Variants in PMPCB observed in about 807,000 individuals in gnomAD.
The protein encoded by PMPCB is mitochondrial-processing peptidase subunit beta.
A neutral mutation model predicts 61.5 loss-of-function variants in PMPCB; 46 were observed. The observed-to-expected ratio is 0.75, with a 90% confidence interval of 0.59 to 0.96. PMPCB has a LOEUF of 0.96. Among genes scored for constraint, PMPCB ranks in the 40% least tolerant of loss-of-function variants. The pLI is 0.00. For synonymous variants in PMPCB, 191 were observed against 201.6 expected, an observed-to-expected ratio of 0.95 and a Z score of 0.44; for missense variants, 590 against 602.4, an observed-to-expected ratio of 0.98 and a Z score of 0.22.
Position 103,298,635 on chromosome 7 carries a change from C to T in PMPCB, c.167C>T (p.Pro56Leu). The T allele has an allele frequency of 1.2e-6, 2 of 1,613,876 alleles. No homozygotes were observed. Among genetic ancestry groups the T allele is most frequent in the South Asian group, 1.1e-5 (1 of 91,084 alleles). The change falls in exon 2 of 13, where the codon CCT (proline) becomes CTT (leucine). Residue 56 changes from proline to leucine, a missense_variant. Pro to Leu is a moderately conservative substitution (Grantham distance 98). Transcript: ENST00000249269. ...QAATQVVLNV[P>L]ETRVTCLESG... The stretch of plus-strand genomic sequence containing the variant: ...GCTACCCAAGTTGTTCTGAATGTTC[C>T]TGAAACAAGAGTAACATGTTTAGAA...
In PMPCB at chr7:103,307,588, C is replaced by T; in HGVS notation, c.737-8C>T. ...AGATACATGTGAAAATATTTTCTTT[C>T]AATTTAGGTGTTTCCCATGATGAAT... is the stretch of plus-strand genomic sequence containing the variant. On this transcript the variant is annotated splice_polypyrimidine_tract_variant and splice_region_variant and intron_variant, in intron 6 of 12. Coordinates refer to ENST00000249269, the MANE Select transcript of PMPCB (RefSeq NM_004279.3). 1.3e-6 allele frequency: 2 copies of T among 1,535,254 alleles called. No homozygotes were observed. Among genetic ancestry groups the T allele is most frequent in the Non-Finnish European group, 1.8e-6 (2 of 1,108,428 alleles).
chr7:103,298,041 G>A, intron 1 of PMPCB: 2 of 688,758 alleles, frequency 2.9e-6, no homozygotes, highest in Non-Finnish European at 3.9e-6. Context: ...TAAGGGCAAA[G>A]AAAAACTGCT....
downstream of PMPCB, chr7:103,317,286 G>A (rs1818124260): frequency 2.7e-6 from 1 of 367,454 alleles, no homozygotes; most frequent in Non-Finnish European, 4.9e-6. Flanking sequence ...GACACTAATT[G>A]ACAAGTCTGT....
At chr7:103,345,860 C>T in the PMPCB span, among the ~76,000 whole-genome samples, 2 of 151,574 alleles carry the variant, frequency 1.3e-5, no homozygotes, top group African/African-American at 4.8e-5. Context: ...GTGGGAAGAT[C>T]GTTGAGGCCG....
chr7:103,328,638 A>C (rs1818835774), intron 12 of PMPCB, among the ~76,000 whole-genome samples: 1 of 152,084 alleles, frequency 6.6e-6, no homozygotes, highest in Non-Finnish European at 1.5e-5. Context: ...GTCAAAAAGA[A>C]GAAGAAGAAA....
intron 1 of PMPCB, chr7:103,298,028 G>A (rs571172269): frequency 5.9e-6 from 5 of 845,146 alleles, no homozygotes; most frequent in Admixed American, 9.6e-5. Context: ...TGAGACTTTT[G>A]TATAAGGGCA....
intron 1 of PMPCB, chr7:103,298,019 G>C: frequency 1.1e-6 from 1 of 932,156 alleles, no homozygotes; most frequent in Non-Finnish European, 1.4e-6. Flanking sequence ...AAAGGGATGT[G>C]AGACTTTTGT....
At chr7:103,299,382 G>A (rs773453727) in intron 2 of PMPCB, 61 bp from the exon 3 acceptor site, 1 of 1,004,618 alleles carries the variant, frequency 1.0e-6, no homozygotes, top group Non-Finnish European at 1.5e-6. Context: ...GAAGGAGACT[G>A]TTCCCCCCAA....
chr7:103,344,234 C>A, the PMPCB span: 1 of 365,032 alleles, frequency 2.7e-6, no homozygotes, highest in African/African-American at 2.1e-5. Flanking sequence ...AGTCTTTCCA[C>A]CGTAGGCAAG....
rs1422839684 is a variant in PMPCB, at chr7:103,299,537, G to GCTT, written c.327+8_327+9insCTT. 3.2e-5 allele frequency: 50 copies of GCTT among 1,581,002 alleles called. No homozygotes were observed. The highest frequency in any genetic ancestry group is 4.2e-5 in the Non-Finnish European group (49 of 1,153,762). On this transcript the variant is annotated intron_variant, in intron 3 of 12. Coordinates refer to ENST00000249269, the MANE Select transcript of PMPCB (RefSeq NM_004279.3). Reference sequence around the variant, plus strand: ...GAGCATATGGCTTTCAAGGCAAGTTGTAAGACTTTACAAAAATGCACTCTC... The same window carrying GCTT: ...GAGCATATGGCTTTCAAGGCAAGTTGCTTTAAGACTTTACAAAAATGCACTCTC...
chr7:103,299,532 AAGTTGTAAGAC>A lies in PMPCB; in HGVS notation c.327+4_327+14del. On this transcript the variant is annotated splice_donor_5th_base_variant and intron_variant, in intron 3 of 12. Coordinates refer to ENST00000249269, the MANE Select transcript of PMPCB (RefSeq NM_004279.3). The stretch of plus-strand genomic sequence containing the variant: ...TTCTGGAGCATATGGCTTTCAAGGC[AAGTTGTAAGAC>A]TTTACAAAAATGCACTCTCTTTAAG... 6.3e-7 allele frequency: 1 copy of A among 1,591,946 alleles called. No individual in the cohort carries two copies. The highest frequency in any genetic ancestry group is 1.7e-4 in the Middle Eastern group (1 of 6,008).
At chr7:103,324,360 CT>C in intron 12 of PMPCB, 2 of 821,740 alleles carry the variant, frequency 2.4e-6, no homozygotes, top group Non-Finnish European at 3.4e-6. Flanking sequence ...TAACAGAGTG[CT>C]TTTGTTCAGT....
chr7:103,325,422 GCAAGATACTGTCT>G (rs1285225758), intron 12 of PMPCB, among the ~76,000 whole-genome samples: 2 of 150,190 alleles, frequency 1.3e-5, no homozygotes, highest in East Asian at 3.9e-4. Context: ...TGGCAAGAGA[GCAAGATACTGTCT>G]CAAAATAAAA....
At chr7:103,315,535 A>C (rs1223587217), downstream of PMPCB, among the ~76,000 whole-genome samples, 4 of 152,182 alleles carry the variant, frequency 2.6e-5, no homozygotes, top group Non-Finnish European at 5.9e-5. Flanking sequence ...CCTGGTAAGC[A>C]AAACAAACAG....
intron 12 of PMPCB, chr7:103,324,545 T>A (rs772726513): frequency 6.9e-7 from 1 of 1,459,366 alleles, no homozygotes; most frequent in South Asian, 1.3e-5. Context: ...TTTAGGAACA[T>A]TTTTTTTATT....
intron 8 of PMPCB, among the ~76,000 whole-genome samples, chr7:103,309,569 A>T (rs1212254374): frequency 6.6e-6 from 1 of 152,210 alleles, no homozygotes; most frequent in Non-Finnish European, 1.5e-5. Flanking sequence ...GATGATTTAA[A>T]GTATACAGGA....
intron 4 of PMPCB, among the ~76,000 whole-genome samples, chr7:103,303,116 T>G (rs1359344445): frequency 6.6e-6 from 1 of 152,194 alleles, no homozygotes; most frequent in Non-Finnish European, 1.5e-5. Context: ...TGTGATTCAT[T>G]TGGGGCATAT....
chr7:103,309,823 G>A (rs565290775), intron 8 of PMPCB, among the ~76,000 whole-genome samples: 1 of 152,160 alleles, frequency 6.6e-6, no homozygotes, highest in South Asian at 2.1e-4. Context: ...AAGCAAACAT[G>A]GTAAAATAAC....
chr7:103,333,567 T>C (rs1300441832), downstream of PMPCB, among the ~76,000 whole-genome samples: 1 of 152,248 alleles, frequency 6.6e-6, no homozygotes, highest in Non-Finnish European at 1.5e-5. Flanking sequence ...CAGTGAGTTC[T>C]GACAATCATA....
Sources: allele counts gnomAD v4.1 joint callset (sites outside exome capture counted in the v4.1 genomes callset), GRCh38; gene constraint gnomAD v4.1.1; transcripts MANE v1.5; gene names NCBI Gene and HGNC (gene_info 2026-07-23, HGNC 2026-07-21).